TIMP3: variants seen among roughly 807,000 people sequenced by gnomAD.
TIMP3 encodes metalloproteinase inhibitor 3.
Under a neutral mutation model 30.0 loss-of-function variants are expected in TIMP3, and 11 were observed. That is an observed-to-expected ratio of 0.37 (90% confidence interval 0.23 to 0.61). The LOEUF (loss-of-function observed/expected upper bound fraction) is 0.61. Ranked by LOEUF, TIMP3 falls within the 20% of genes least tolerant of loss-of-function variation. The pLI, the probability that TIMP3 is intolerant of heterozygous loss-of-function variation, is 0.70. For missense variants in TIMP3, 181 were observed against 276.8 expected (o/e 0.65, Z 2.45); for synonymous variants, 112 against 111.3 (o/e 1.01, Z -0.04).
At chr22:32,805,215 G>C (rs2145949365) in intron 1 of TIMP3, among the ~76,000 whole-genome samples, 1 of 152,286 alleles carries the variant, frequency 6.6e-6, no homozygotes, top group East Asian at 1.9e-4. Context: ...GAGCCTGTTG[G>C]GAATTTGAGC....
rs1206151767 is a variant in TIMP3 at position 32,858,114 on chromosome 22, G to A, written c.414G>A (p.Arg138=). Residue 138 remains arginine, a synonymous_variant, in exon 4 of 5, where the codon CGG becomes CGA. Coordinates refer to ENST00000266085, the MANE Select transcript of TIMP3 (RefSeq NM_000362.5). ...CCCAGCGCAAGGGGCTGAACTATCG[G>A]TATCACCTGGGTTGTAACTGCAAGG... ...TLSQRKGLNY[R]YHLGCNCKIK... is the part of the protein sequence containing the mutation. The A allele has an allele frequency of 3.1e-6, 5 of 1,614,192 alleles. No homozygotes were observed. Among genetic ancestry groups the A allele is most frequent in the Non-Finnish European group, 4.2e-6 (5 of 1,180,016 alleles).
At chr22:32,856,460 C>T (rs988870520) in intron 2 of TIMP3, among the ~76,000 whole-genome samples, 1 of 152,046 alleles carries the variant, frequency 6.6e-6, no homozygotes, top group Admixed American at 6.5e-5. Context: ...AATAGGGGAG[C>T]GAGATTCCCT....
intron 1 of TIMP3, among the ~76,000 whole-genome samples, chr22:32,825,970 G>A (rs78022998): frequency 8.9e-4 from 135 of 152,322 alleles, no homozygotes; most frequent in Non-Finnish European, 1.5e-3. Flanking sequence ...CAAGTTTATA[G>A]TAGCATAGGG....
chr22:32,845,321 C>T (rs2048029318), intron 1 of TIMP3, among the ~76,000 whole-genome samples: 1 of 152,116 alleles, frequency 6.6e-6, no homozygotes, highest in Admixed American at 6.5e-5. Flanking sequence ...CTCAGCCTCC[C>T]AAGTAGCTGG....
chr22:32,804,215 G>C (rs1372110753), intron 1 of TIMP3, among the ~76,000 whole-genome samples: 1 of 152,220 alleles, frequency 6.6e-6, no homozygotes, highest in African/African-American at 2.4e-5. Context: ...CCTGGGTTTG[G>C]TGAGCTGCAC....
Position 32,849,506 on chromosome 22 carries a change from C to A in TIMP3, c.176C>A (p.Thr59Lys). Residue 59 changes from threonine (T) to lysine (K), a missense_variant, in exon 2 of 5, where the codon ACG (threonine) becomes AAG (lysine). Transcript: ENST00000266085. ...KKLVKEGPFG[T>K]LVYTIKQMKM... is the part of the protein sequence containing the mutation. ...CTGGTAAAGGAGGGGCCCTTCGGCACGCTGGTCTACACCATCAAGCAGATG... is the reference window on the plus strand; with the variant it reads ...CTGGTAAAGGAGGGGCCCTTCGGCAAGCTGGTCTACACCATCAAGCAGATG... The A allele has an allele frequency of 6.2e-7, 1 of 1,613,618 alleles. No homozygotes were observed. Among genetic ancestry groups the A allele is most frequent in the Non-Finnish European group, 8.5e-7 (1 of 1,179,832 alleles).
At chr22:32,823,156 G>A (rs2047301579) in intron 1 of TIMP3, among the ~76,000 whole-genome samples, 1 of 152,200 alleles carries the variant, frequency 6.6e-6, no homozygotes, top group Admixed American at 6.5e-5. Context: ...AGTGACCCTT[G>A]CTTTTGGGTC....
At chr22:32,820,242 CTGTGTGTGTGTGTGTGTGTGCGTGCGCG>C (rs1569250000) in intron 1 of TIMP3, among the ~76,000 whole-genome samples, 1 of 148,890 alleles carries the variant, frequency 6.7e-6, no homozygotes, top group Non-Finnish European at 1.5e-5. Flanking sequence ...CCTTTCTCCC[CTGTGTGTGTGTGTGTGTGTGCGTGCGCG>C]TGTGTGTGTG....
chr22:32,854,336 C>G (rs1445538016), intron 2 of TIMP3, among the ~76,000 whole-genome samples: 1 of 152,108 alleles, frequency 6.6e-6, no homozygotes, highest in Non-Finnish European at 1.5e-5. Context: ...AGCTGCGGTG[C>G]CAAGCTGATT....
intron 1 of TIMP3, among the ~76,000 whole-genome samples, chr22:32,834,581 G>A (rs578154236): frequency 2.8e-4 from 43 of 152,290 alleles, no homozygotes; most frequent in Admixed American, 9.2e-4. Context: ...AGGTGGCAGG[G>A]GGAGGTGGCT....
chr22:32,813,167 A>G (rs2046958385), intron 1 of TIMP3, among the ~76,000 whole-genome samples: 1 of 152,188 alleles, frequency 6.6e-6, no homozygotes, highest in South Asian at 2.1e-4. Context: ...CCTACCAAAT[A>G]TGTTTATGGT....
chr22:32,828,299 C>T (rs5749524), intron 1 of TIMP3, among the ~76,000 whole-genome samples: 27,508 of 152,110 alleles, frequency 0.18, 3,407 homozygotes, highest in African/African-American at 0.36. Context: ...CAAGTTCTTA[C>T]GGGGCCACTT....
At chr22:32,821,405 T>G (rs2047242777) in intron 1 of TIMP3, among the ~76,000 whole-genome samples, 1 of 152,204 alleles carries the variant, frequency 6.6e-6, no homozygotes, top group Non-Finnish European at 1.5e-5. Flanking sequence ...GTGTCATCAG[T>G]GCTGTGCTAT....
At chr22:32,821,614 G>T (rs1601449281) in intron 1 of TIMP3, among the ~76,000 whole-genome samples, 1 of 152,212 alleles carries the variant, frequency 6.6e-6, no homozygotes, top group Non-Finnish European at 1.5e-5. Flanking sequence ...GAGGGGCAAG[G>T]CAAATCGGAT....
At chr22:32,826,591 A>C (rs2047420579) in intron 1 of TIMP3, among the ~76,000 whole-genome samples, 1 of 152,222 alleles carries the variant, frequency 6.6e-6, no homozygotes, top group South Asian at 2.1e-4. Context: ...AATCTTGAGA[A>C]GTTAACACTT....
chr22:32,819,517 C>T (rs1005387021), intron 1 of TIMP3, among the ~76,000 whole-genome samples: 3 of 152,220 alleles, frequency 2.0e-5, no homozygotes, highest in African/African-American at 7.2e-5. Context: ...ATGCTATGGA[C>T]AGATTCTCTC....
At chr22:32,844,196 T>C (rs759390506) in intron 1 of TIMP3, among the ~76,000 whole-genome samples, 9 of 152,138 alleles carry the variant, frequency 5.9e-5, no homozygotes, top group Middle Eastern at 3.4e-3. Context: ...TGGTTGACAA[T>C]GGTTGGATGG....
chr22:32,802,372 C>G (rs1200133846), intron 1 of TIMP3, among the ~76,000 whole-genome samples: 2 of 152,092 alleles, frequency 1.3e-5, no homozygotes, highest in Non-Finnish European at 2.9e-5. Context: ...TAACTTAGGT[C>G]GTGAGGTTCC....
At chr22:32,846,085 TG>T (rs1438692904) in intron 1 of TIMP3, among the ~76,000 whole-genome samples, 1 of 152,182 alleles carries the variant, frequency 6.6e-6, no homozygotes, top group East Asian at 1.9e-4. Flanking sequence ...AGTGAAGTTT[TG>T]TTTTTGTAAG....
Sources: gnomAD v4.1 joint callset for allele counts (sites outside exome capture counted in the v4.1 genomes callset) on GRCh38, gnomAD v4.1.1 for gene constraint, MANE v1.5 for transcripts, NCBI Gene and HGNC (gene_info 2026-07-23, HGNC 2026-07-21) for gene names.